The following ZNF423 variants were observed in gnomAD, a reference collection of about 807,000 sequenced individuals.
ZNF423 encodes the protein zinc finger protein 423, also known as Ebf-associated zinc finger protein.
A neutral mutation model predicts 95.8 loss-of-function variants in ZNF423; 12 were observed. The observed-to-expected ratio is 0.13, with a 90% CI of 0.08 to 0.20. ZNF423 has a LOEUF of 0.20. Among genes scored for constraint, ZNF423 ranks in the 10% least tolerant of loss-of-function variants. The pLI is 1.00. For missense variants in ZNF423, 1,316 were observed against 1,737.1 expected, an observed-to-expected ratio of 0.76 and a Z score of 4.31; for synonymous variants, 749 against 711.9, an observed-to-expected ratio of 1.05 and a Z score of -0.83.
At chr16:49,598,920 G>T (rs1336654918) in intron 5 of ZNF423, among the ~76,000 whole-genome samples, 1 of 152,228 alleles carries the variant, frequency 6.6e-6, no homozygotes, top group African/African-American at 2.4e-5. Flanking sequence ...TTCAAAACTG[G>T]ATGCTCAACT....
At chr16:49,565,948 G>C (rs1346051149) in intron 5 of ZNF423, among the ~76,000 whole-genome samples, 1 of 151,934 alleles carries the variant, frequency 6.6e-6, no homozygotes, top group East Asian at 1.9e-4. Context: ...GGGGTGATAG[G>C]AACAAGGTGG....
intron 2 of ZNF423, among the ~76,000 whole-genome samples, chr16:49,783,574 AG>A (rs921002772): frequency 7.0e-5 from 4 of 57,060 alleles, no homozygotes; most frequent in Middle Eastern, 0.013. Context: ...GGTGGGAAAG[AG>A]GGGGGGTTAG....
chr16:49,673,079 G>T (rs1046038186), intron 3 of ZNF423, among the ~76,000 whole-genome samples: 3 of 152,110 alleles, frequency 2.0e-5, no homozygotes, highest in African/African-American at 4.8e-5. Flanking sequence ...CCCCGCCGTG[G>T]TACACAGGTA....
At chr16:49,668,902 GAT>G (rs2151923116) in intron 3 of ZNF423, among the ~76,000 whole-genome samples, 1 of 152,284 alleles carries the variant, frequency 6.6e-6, no homozygotes, top group East Asian at 1.9e-4. Context: ...ATAAAATGAA[GAT>G]GGTGACAGTG....
chr16:49,803,485 C>T (rs2034612115), intron 1 of ZNF423, among the ~76,000 whole-genome samples: 1 of 152,016 alleles, frequency 6.6e-6, no homozygotes, highest in African/African-American at 2.4e-5. Flanking sequence ...AAAGAGTGTA[C>T]CCATTTTTAG....
intron 5 of ZNF423, among the ~76,000 whole-genome samples, chr16:49,621,633 C>A (rs889112047): frequency 6.6e-6 from 1 of 152,184 alleles, no homozygotes; most frequent in African/African-American, 2.4e-5. Context: ...CCCACCAAGT[C>A]CCCCTGGTGC....
rs571792042 is a variant in ZNF423 at position 49,634,142 on chromosome 16, G to A, written c.3516+1518C>T. On this transcript the variant is annotated intron_variant, in intron 4 of 7. Coordinates refer to ENST00000563137, the MANE Select transcript of ZNF423 (RefSeq NM_001379286.1). ...AGGATGGTCTCAATCTCCTGACCTC[G>A]TCATCCACCTGCCTCAGCCTCCCAA... 1.4e-4 allele frequency among the ~76,000 whole-genome samples: 21 copies of A among 149,518 alleles called. 1 individual carries two copies. The South Asian group carries it at 3.6e-3, about 26-fold the overall frequency.
chr16:49,675,753 T>C (rs1283687320), intron 3 of ZNF423, among the ~76,000 whole-genome samples: 1 of 152,184 alleles, frequency 6.6e-6, no homozygotes, highest in African/African-American at 2.4e-5. Context: ...CCAAAGTTGA[T>C]GTTACTGGCA....
At chr16:49,768,241 G>A (rs1431203055) in intron 2 of ZNF423, among the ~76,000 whole-genome samples, 5 of 152,310 alleles carry the variant, frequency 3.3e-5, no homozygotes, top group South Asian at 2.1e-4. Context: ...AGCCGGGAAC[G>A]GGGGCGCGGC....
chr16:49,498,054 G>A (rs926501630), intron 7 of ZNF423, among the ~76,000 whole-genome samples: 2 of 152,140 alleles, frequency 1.3e-5, no homozygotes, highest in African/African-American at 2.4e-5. Flanking sequence ...CTTGAGAGAT[G>A]GTTTTCCAGG....
At chr16:49,664,161 G>C (rs944328260) in intron 3 of ZNF423, 14 of 985,626 alleles carry the variant, frequency 1.4e-5, no homozygotes, top group African/African-American at 1.7e-5. Flanking sequence ...CCTGAGCCCG[G>C]GTTCCCAGCA....
rs143552224 is a variant in ZNF423, at chr16:49,820,283, A to G, written c.41-30737T>C. Among the ~76,000 whole-genome samples, 435 of 152,296 alleles carry G rather than the reference A, an allele frequency of 2.9e-3. 3 individuals carry two copies. Among genetic ancestry groups the G allele is most frequent in the African/African-American group, 9.8e-3 (406 of 41,560 alleles). On this transcript the variant is annotated intron_variant, in intron 1 of 7. Coordinates refer to ENST00000563137, the MANE Select transcript of ZNF423 (RefSeq NM_001379286.1). Reference sequence around the variant, plus strand: ...GAGCATGAACCCTCTGCTTAATCCCATAGCCCCTGCCCCAAGATATGAGCA... The same window carrying G: ...GAGCATGAACCCTCTGCTTAATCCCGTAGCCCCTGCCCCAAGATATGAGCA...
At chr16:49,562,676 C>T (rs1371269554) in intron 5 of ZNF423, among the ~76,000 whole-genome samples, 3 of 152,206 alleles carry the variant, frequency 2.0e-5, no homozygotes, top group Non-Finnish European at 4.4e-5. Flanking sequence ...AGAATCAGAC[C>T]AGATGATTTG....
intron 5 of ZNF423, among the ~76,000 whole-genome samples, chr16:49,616,298 G>T (rs927701908): frequency 5.0e-4 from 76 of 152,154 alleles, no homozygotes; most frequent in Non-Finnish European, 5.3e-4. Flanking sequence ...GAGATAGAGT[G>T]CAGAGTGATG....
intron 2 of ZNF423, 67 bp from the exon 3 acceptor site, chr16:49,731,038 G>T: frequency 5.9e-6 from 9 of 1,534,502 alleles, no homozygotes; most frequent in Non-Finnish European, 7.2e-6. Context: ...TAAAAGAATC[G>T]CCCGGCATTT....
At chr16:49,632,904 G>A (rs1972553574) in intron 4 of ZNF423, among the ~76,000 whole-genome samples, 1 of 152,202 alleles carries the variant, frequency 6.6e-6, no homozygotes, top group Non-Finnish European at 1.5e-5. Flanking sequence ...GGTGGGCAGT[G>A]CCAGAAAGGG....
At chr16:49,823,032 C>T (rs1000952503) in intron 1 of ZNF423, among the ~76,000 whole-genome samples, 2 of 152,234 alleles carry the variant, frequency 1.3e-5, no homozygotes, top group African/African-American at 4.8e-5. Context: ...TCTCTTCAGA[C>T]CACCCTGGTG....
intron 4 of ZNF423, among the ~76,000 whole-genome samples, chr16:49,634,655 G>A (rs1182517584): frequency 6.6e-5 from 10 of 152,228 alleles, no homozygotes; most frequent in Admixed American, 3.9e-4. Flanking sequence ...AATGGTGCCA[G>A]CAGCGGTCCT....
chr16:49,669,767 C>A (rs369594606), intron 3 of ZNF423, among the ~76,000 whole-genome samples: 1 of 152,046 alleles, frequency 6.6e-6, no homozygotes, highest in South Asian at 2.1e-4. Flanking sequence ...GCTGGGAAAT[C>A]GGGCCCTAGC....
Sources: gnomAD v4.1 joint callset for allele counts (sites outside exome capture counted in the v4.1 genomes callset) on GRCh38, gnomAD v4.1.1 for gene constraint, MANE v1.5 for transcripts, NCBI Gene and HGNC (gene_info 2026-07-23, HGNC 2026-07-21) for gene names.